Variants in NPIPB2 observed in about 807,000 individuals in gnomAD.
NPIPB2 encodes nuclear pore complex interacting protein family member B2, also known as nuclear pore complex-interacting protein family member B2.
A neutral mutation model predicts 30.8 loss-of-function variants in NPIPB2; 27 were observed. The ratio of observed to expected loss-of-function variants is 0.88; its 90% CI spans 0.65 to 1.21. NPIPB2 has a LOEUF of 1.21. NPIPB2 is among the 50% of genes most tolerant of loss of function. The probability of loss-of-function intolerance (pLI) is 0.00; values close to 1 mark genes in which losing one functional copy is unlikely to be tolerated. For synonymous variants in NPIPB2, 147 were observed against 162.0 expected (o/e 0.91, Z 0.70); for missense variants, 440 against 446.2 (o/e 0.99, Z 0.13).
intron 1 of NPIPB2, chr16:11,967,933 T>C: frequency 6.8e-7 from 1 of 1,463,840 alleles, no homozygotes; most frequent in Admixed American, 2.1e-5. Context: ...ATGACTGTAT[T>C]TTTCAGTTGC....
chr16:11,950,324 C>T (rs750755846), intron 1 of NPIPB2, among the ~76,000 whole-genome samples: 1 of 152,152 alleles, frequency 6.6e-6, no homozygotes, highest in Non-Finnish European at 1.5e-5. Context: ...GCATGAGCCA[C>T]CACGCCTAGC....
chr16:11,964,777 G>A (rs934626120), intron 1 of NPIPB2, among the ~76,000 whole-genome samples: 3 of 152,174 alleles, frequency 2.0e-5, no homozygotes, highest in African/African-American at 7.2e-5. Context: ...TGCCCAGGCT[G>A]ATTTTGAACT....
At chr16:11,968,151 A>G (rs2055211335) in intron 1 of NPIPB2, 1 of 300,020 alleles carries the variant, frequency 3.3e-6, no homozygotes, top group Non-Finnish European at 6.2e-6. Context: ...GAAAGGTGGG[A>G]GGGGGAAAGA....
At chr16:11,940,368 T>G (rs1199192019) in intron 1 of NPIPB2, among the ~76,000 whole-genome samples, 1 of 126,856 alleles carries the variant, frequency 7.9e-6, no homozygotes, top group Admixed American at 8.3e-5. Context: ...AATAAATAAA[T>G]AAAATAATGT....
chr16:11,929,882 A>T (rs2054768846), intron 5 of NPIPB2, among the ~76,000 whole-genome samples: 1 of 119,950 alleles, frequency 8.3e-6, no homozygotes, highest in Non-Finnish European at 1.7e-5. Flanking sequence ...TCCATCTCAG[A>T]AAAACAAAAA....
At position 11,938,813 on chromosome 16, in the gene NPIPB2, A is replaced by G. The variant is rs534409344; in HGVS notation, c.64-1145T>C. On this transcript the variant is annotated intron_variant, in intron 1 of 7. Transcript: ENST00000399147. The stretch of plus-strand genomic sequence containing the variant: ...ACCCAGGCTAGATTGCAGTGGCATG[A>G]TCTCAGCTCACTGCAACCTCCGCCT... 2.0e-4 allele frequency among the ~76,000 whole-genome samples: 30 copies of G among 151,876 alleles called. 2 individuals carry two copies. The South Asian group carries it at 5.2e-3, about 26-fold the overall frequency.
chr16:11,960,920 G>T (rs2150935696), intron 1 of NPIPB2, among the ~76,000 whole-genome samples: 1 of 149,592 alleles, frequency 6.7e-6, no homozygotes, highest in Non-Finnish European at 1.5e-5. Context: ...AGACTGCAGT[G>T]CAGTGGCGCA....
chr16:11,967,553 C>T (rs370327988), intron 1 of NPIPB2: 41 of 1,602,692 alleles, frequency 2.6e-5, no homozygotes, highest in Non-Finnish European at 3.1e-5. Context: ...TTAATGTTTC[C>T]GTTTCTACAT....
chr16:11,967,707 G>C (rs767893828), intron 1 of NPIPB2: 1 of 1,614,048 alleles, frequency 6.2e-7, no homozygotes. Context: ...ACCGAAGGTC[G>C]ACTCTGACCA....
intron 1 of NPIPB2, chr16:11,965,543 T>C: frequency 5.3e-6 from 7 of 1,331,384 alleles, no homozygotes; most frequent in Non-Finnish European, 7.2e-6. Context: ...ATAATGGGCA[T>C]GATGGTGAGT....
rs1042402250 is a variant in NPIPB2, at chr16:11,938,689, G to C, written c.64-1021C>G. On this transcript the variant is annotated intron_variant, in intron 1 of 7. Coordinates refer to ENST00000399147, the Ensembl canonical transcript of NPIPB2. ...TTTGTGTTGAACTGCATTCAAAACT[G>C]TCCTGGGCCACATGCAGCCCGTCAC... Among the ~76,000 whole-genome samples, 47 of 151,992 alleles carry C rather than the reference G, an allele frequency of 3.1e-4. 1 individual carries two copies. Among genetic ancestry groups the C allele is most frequent in the Non-Finnish European group, 6.0e-4 (41 of 67,992 alleles).
chr16:11,941,263 GC>G, intron 1 of NPIPB2: 1 of 1,503,892 alleles, frequency 6.6e-7, no homozygotes. Context: ...CTTTCAGGGC[GC>G]CCTGAGGCGG....
chr16:11,966,649 T>A (rs1372872406), intron 1 of NPIPB2, among the ~76,000 whole-genome samples: 2 of 152,212 alleles, frequency 1.3e-5, no homozygotes, highest in African/African-American at 4.8e-5. Context: ...ATCGATTAAA[T>A]GCCACATTAT....
At position 11,930,541 on chromosome 16, in the gene NPIPB2, C is replaced by T. The variant is rs201929589; in HGVS notation, c.499G>A (p.Val167Met). The T allele has an allele frequency of 5.6e-3, 8,859 of 1,583,028 alleles. 57 individuals carry two copies. Among genetic ancestry groups the T allele is most frequent in the Middle Eastern group, 0.015 (67 of 4,416 alleles). ...TTTTCTGCATGCTCACATTCTTTCA[C>T]GCTTAGTTTCCTCAGATTAGAAGGG... The change falls in exon 5 of 8, where the codon GTG becomes ATG. Residue 167 changes from valine (V) to methionine (M), a missense_variant. By Grantham distance (21) the Val-to-Met change is conservative. Coordinates refer to ENST00000399147, the Ensembl canonical transcript of NPIPB2.
chr16:11,948,195 C>G (rs967110567), intron 1 of NPIPB2, among the ~76,000 whole-genome samples: 1 of 151,494 alleles, frequency 6.6e-6, no homozygotes, highest in African/African-American at 2.4e-5. Context: ...CTGAAGGTGC[C>G]AAAACGGGGG....
At chr16:11,932,473 C>T (rs1289447986) in intron 4 of NPIPB2, among the ~76,000 whole-genome samples, 1 of 151,720 alleles carries the variant, frequency 6.6e-6, no homozygotes, top group African/African-American at 2.4e-5. Flanking sequence ...GAACCCCTGT[C>T]TCTACTAAAA....
chr16:11,958,344 C>T (rs1351012482), intron 1 of NPIPB2, among the ~76,000 whole-genome samples: 1 of 151,608 alleles, frequency 6.6e-6, no homozygotes, highest in East Asian at 1.9e-4. Context: ...AGGAGACGTG[C>T]TTGAACCCAG....
At chr16:11,933,454 C>G (rs2054818173) in intron 4 of NPIPB2, 63 bp downstream of exon 4, 1 of 1,592,352 alleles carries the variant, frequency 6.3e-7, no homozygotes, top group Non-Finnish European at 8.5e-7. Context: ...AAGGACTTTA[C>G]AGTTGTCTAC....
Position 11,962,430 on chromosome 16 carries a change from A to G in NPIPB2, c.-584+14138T>C, listed in dbSNP as rs971376450. Among the ~76,000 whole-genome samples the G allele has an allele frequency of 1.8e-4, 28 of 151,758 alleles. No homozygotes were observed. The East Asian group carries it at 3.7e-3, about 20-fold the overall frequency. ...GAGACCATCCTGGCTAAGATGGTGAAACCCCATCTCTACTAAAAATACAAA... is the reference window on the plus strand; with the variant it reads ...GAGACCATCCTGGCTAAGATGGTGAGACCCCATCTCTACTAAAAATACAAA... On this transcript the variant is annotated intron_variant, in intron 1 of 5. Transcript: ENST00000538896.
Sources: gnomAD v4.1 joint callset for allele counts (sites outside exome capture counted in the v4.1 genomes callset) on GRCh38, gnomAD v4.1.1 for gene constraint, MANE v1.5 for transcripts, NCBI Gene and HGNC (gene_info 2026-07-23, HGNC 2026-07-21) for gene names.